The following ANK2 variants were observed in gnomAD, a reference collection of about 807,000 sequenced individuals.
ANK2 encodes ankyrin-2.
Under a neutral mutation model 360.5 loss-of-function variants are expected in ANK2, and 83 were observed. The observed-to-expected ratio is 0.23, with a 90% CI of 0.19 to 0.28. The LOEUF (loss-of-function observed/expected upper bound fraction) is 0.28. ANK2 is among the 10% of genes least tolerant of loss of function. ANK2 has a pLI of 1.00. For missense variants in ANK2, 4,201 were observed against 4,795.7 expected, an observed-to-expected ratio of 0.88 and a Z score of 3.66; for synonymous variants, 1,740 against 1,759.5, an observed-to-expected ratio of 0.99 and a Z score of 0.28.
chr4:113,001,838 A>G (rs1380480847), intron 2 of ANK2, among the ~76,000 whole-genome samples: 1 of 152,132 alleles, frequency 6.6e-6, no homozygotes, highest in Non-Finnish European at 1.5e-5. Flanking sequence ...TGATTATGAC[A>G]GCGAATCTCA....
At chr4:112,912,163 C>A (rs951659071) in intron 2 of ANK2, among the ~76,000 whole-genome samples, 2 of 145,954 alleles carry the variant, frequency 1.4e-5, no homozygotes, top group African/African-American at 2.5e-5. Context: ...GGTGACAGAG[C>A]GAGACTCCGT....
At chr4:112,785,336 C>CT in the ANK2 span, among the ~76,000 whole-genome samples, 1 of 151,622 alleles carries the variant, frequency 6.6e-6, no homozygotes, top group Non-Finnish European at 1.5e-5. Flanking sequence ...GCAGTAGTGG[C>CT]TTTTTTTTCT....
the ANK2 span, among the ~76,000 whole-genome samples, chr4:112,802,936 T>A: frequency 2.0e-5 from 3 of 152,206 alleles, no homozygotes; most frequent in Admixed American, 2.0e-4. Context: ...ACATCTCTTA[T>A]CAAGACTGAT....
At chr4:113,170,505 A>T (rs950284265) in intron 1 of ANK2, among the ~76,000 whole-genome samples, 52 of 152,320 alleles carry the variant, frequency 3.4e-4, no homozygotes, top group African/African-American at 1.2e-3. Flanking sequence ...ATATGTTTAT[A>T]CTCACATATA....
chr4:112,775,744 C>G, the ANK2 span, among the ~76,000 whole-genome samples: 1 of 152,004 alleles, frequency 6.6e-6, no homozygotes. Flanking sequence ...ACCAACCTAG[C>G]GGACATGAGA....
In ANK2 at chr4:113,353,362, C is replaced by T. The variant is rs35249198; in HGVS notation, c.4744C>T (p.Arg1582Trp). The T allele has an allele frequency of 1.8e-3, 2,967 of 1,613,906 alleles. 8 individuals carry two copies. Among genetic ancestry groups the T allele is most frequent in the African/African-American group, 9.1e-3 (683 of 74,986 alleles). The change falls in exon 38 of 46, where the codon CGG (arginine) becomes TGG (tryptophan). Residue 1582 changes from arginine to tryptophan, a missense_variant. By Grantham distance (101) the Arg-to-Trp change is moderately radical. Coordinates refer to ENST00000357077, the MANE Select transcript of ANK2 (RefSeq NM_001148.6). The part of the protein sequence containing the change: ...TRDESSVQSS[R>W]SERGLVEEEW... ...AGATGAAAGCAGTGTGCAGAGCTCT[C>T]GGTCTGAGAGAGGATTAGTTGAAGA...
At chr4:112,778,364 G>A in the ANK2 span, among the ~76,000 whole-genome samples, 2 of 151,892 alleles carry the variant, frequency 1.3e-5, no homozygotes, top group African/African-American at 2.4e-5. Context: ...TAGAGATGGG[G>A]TTTCACCAAG....
chr4:112,923,124 A>G (rs1376333206), intron 2 of ANK2, among the ~76,000 whole-genome samples: 1 of 152,188 alleles, frequency 6.6e-6, no homozygotes, highest in Admixed American at 6.5e-5. Context: ...TAACATTTTT[A>G]TATTTTGACA....
At chr4:112,788,349 C>T in the ANK2 span, 13 of 1,547,888 alleles carry the variant, frequency 8.4e-6, no homozygotes, top group African/African-American at 1.5e-4. Flanking sequence ...CACTAAGGGA[C>T]CACCATTTTA....
intron 22 of ANK2, among the ~76,000 whole-genome samples, chr4:113,297,086 G>A (rs1033882591): frequency 3.9e-5 from 6 of 152,104 alleles, no homozygotes; most frequent in African/African-American, 1.4e-4. Context: ...ATCAGGGGAG[G>A]AGGGGATAGA....
chr4:113,283,884 A>C (rs1279956640), intron 18 of ANK2, among the ~76,000 whole-genome samples: 1 of 152,222 alleles, frequency 6.6e-6, no homozygotes, highest in African/African-American at 2.4e-5. Flanking sequence ...TTAAAGTATC[A>C]GTGATAAGTT....
chr4:112,865,100 A>C (rs1440191136), intron 1 of ANK2, among the ~76,000 whole-genome samples: 1 of 146,152 alleles, frequency 6.8e-6, no homozygotes, highest in Non-Finnish European at 1.5e-5. Context: ...CATTGGTCTT[A>C]GAAATAGCAT....
intron 14 of ANK2, among the ~76,000 whole-genome samples, chr4:113,266,657 C>A (rs1028448146): frequency 6.6e-6 from 1 of 152,192 alleles, no homozygotes; most frequent in Non-Finnish European, 1.5e-5. Flanking sequence ...GTGAGCAGAT[C>A]ACCTGAGGTT....
chr4:112,964,200 C>G (rs1471182246), intron 2 of ANK2, among the ~76,000 whole-genome samples: 1 of 149,920 alleles, frequency 6.7e-6, no homozygotes, highest in Non-Finnish European at 1.5e-5. Flanking sequence ...AGTGAGGCAT[C>G]TATCCCCTCA....
At chr4:112,711,280 C>T in the ANK2 span, among the ~76,000 whole-genome samples, 2 of 151,710 alleles carry the variant, frequency 1.3e-5, no homozygotes, top group African/African-American at 2.4e-5. Context: ...CAGGTGCAGT[C>T]GTTCTGCATT....
At chr4:113,163,572 C>T (rs1297521904) in intron 1 of ANK2, among the ~76,000 whole-genome samples, 2 of 151,396 alleles carry the variant, frequency 1.3e-5, no homozygotes, top group Admixed American at 6.6e-5. Context: ...CGAGACCAGC[C>T]TGACCAACAT....
Position 113,200,655 on chromosome 4 carries a change from A to G in ANK2, c.384+1546A>G, listed in dbSNP as rs533787728. On this transcript the variant is annotated intron_variant, in intron 4 of 45. Transcript: ENST00000357077. ...CATCCATGTTGCTGCAAAGGATGTA[A>G]TTTCATTCTCTTTTATAGCTGCCTA... Among the ~76,000 whole-genome samples the G allele has an allele frequency of 2.6e-5, 4 of 152,266 alleles. No homozygotes were observed. The South Asian group carries it at 6.2e-4, about 24-fold the overall frequency.
chr4:112,958,186 A>T (rs963007519), intron 2 of ANK2, among the ~76,000 whole-genome samples: 13 of 152,044 alleles, frequency 8.6e-5, no homozygotes, highest in African/African-American at 3.1e-4. Flanking sequence ...CACTTCCCAG[A>T]CGGGGTGGCG....
chr4:113,122,579 G>A (rs551782047), intron 1 of ANK2, among the ~76,000 whole-genome samples: 61 of 152,178 alleles, frequency 4.0e-4, no homozygotes, highest in African/African-American at 1.4e-3. Context: ...TTAACATAAA[G>A]TTGATTGGTG....
Sources: gnomAD v4.1 joint callset for allele counts (sites outside exome capture counted in the v4.1 genomes callset) on GRCh38, gnomAD v4.1.1 for gene constraint, MANE v1.5 for transcripts, NCBI Gene and HGNC (gene_info 2026-07-23, HGNC 2026-07-21) for gene names.